The following GRID1 variants were observed in gnomAD, a reference collection of about 807,000 sequenced individuals.
The protein encoded by GRID1 is glutamate receptor ionotropic, delta-1.
In GRID1, 28 loss-of-function variants were observed where a neutral mutation model predicts 98.0. The ratio of observed to expected loss-of-function variants is 0.29; its 90% CI spans 0.21 to 0.39. GRID1 has a LOEUF of 0.39. Among genes scored for constraint, GRID1 ranks in the 10% least tolerant of loss-of-function variants. The probability of loss-of-function intolerance (pLI) is 1.00; values close to 1 mark genes in which losing one functional copy is unlikely to be tolerated. For missense variants in GRID1, 1,111 were observed against 1,340.5 expected, an observed-to-expected ratio of 0.83 and a Z score of 2.67; for synonymous variants, 553 against 538.5, an observed-to-expected ratio of 1.03 and a Z score of -0.37.
chr10:85,700,465 G>C (rs1484986102), intron 12 of GRID1, among the ~76,000 whole-genome samples: 1 of 152,116 alleles, frequency 6.6e-6, no homozygotes, highest in African/African-American at 2.4e-5. Context: ...CTGAATGTAG[G>C]ATGCTACTCA....
chr10:85,928,099 T>A (rs1841800758), intron 4 of GRID1, among the ~76,000 whole-genome samples: 1 of 152,182 alleles, frequency 6.6e-6, no homozygotes, highest in Non-Finnish European at 1.5e-5. Context: ...ATAGGCTCAA[T>A]GAGGAAGATG....
chr10:85,718,294 G>A (rs1465336831), intron 12 of GRID1, among the ~76,000 whole-genome samples: 1 of 152,126 alleles, frequency 6.6e-6, no homozygotes, highest in Non-Finnish European at 1.5e-5. Flanking sequence ...GGGCATCCAG[G>A]CATTTCTACA....
At chr10:85,626,039 TG>T (rs1842908932) in intron 13 of GRID1, among the ~76,000 whole-genome samples, 1 of 152,204 alleles carries the variant, frequency 6.6e-6, no homozygotes. Context: ...AGAATGCTGG[TG>T]CTGCAAACAT....
At chr10:85,938,162 T>A (rs1378565855) in intron 4 of GRID1, among the ~76,000 whole-genome samples, 1 of 152,164 alleles carries the variant, frequency 6.6e-6, no homozygotes, top group Non-Finnish European at 1.5e-5. Flanking sequence ...CCAGGGGGAA[T>A]CTGGATGGGA....
chr10:86,361,292 G>A (rs576367357), intron 2 of GRID1, among the ~76,000 whole-genome samples: 1 of 152,288 alleles, frequency 6.6e-6, no homozygotes, highest in East Asian at 1.9e-4. Flanking sequence ...AGGCATCCAA[G>A]GGCTATGCAA....
intron 4 of GRID1, among the ~76,000 whole-genome samples, chr10:86,107,686 C>G (rs892665938): frequency 2.6e-5 from 4 of 152,226 alleles, no homozygotes; most frequent in African/African-American, 9.6e-5. Flanking sequence ...CAGGCAAACA[C>G]ACAGGCAGCT....
intron 12 of GRID1, among the ~76,000 whole-genome samples, chr10:85,686,090 G>C (rs944580203): frequency 6.6e-6 from 1 of 152,098 alleles, no homozygotes; most frequent in African/African-American, 2.4e-5. Context: ...AAAGAATAAT[G>C]CTTCAAGGAA....
chr10:86,312,328 A>G (rs945303128), intron 2 of GRID1, among the ~76,000 whole-genome samples: 1 of 152,162 alleles, frequency 6.6e-6, no homozygotes, highest in South Asian at 2.1e-4. Flanking sequence ...ACCCCACCCT[A>G]AACACACCGT....
intron 8 of GRID1, among the ~76,000 whole-genome samples, chr10:85,784,646 G>GT (rs1842409601): frequency 6.6e-6 from 1 of 152,196 alleles, no homozygotes; most frequent in Non-Finnish European, 1.5e-5. Context: ...GTGAGCATCA[G>GT]TTTGCTTGTC....
At chr10:85,623,252 C>A (rs1302993878) in intron 13 of GRID1, among the ~76,000 whole-genome samples, 1 of 152,160 alleles carries the variant, frequency 6.6e-6, no homozygotes, top group East Asian at 1.9e-4. Context: ...TGTCACAGAG[C>A]CTGTCTGAGA....
At chr10:86,049,788 T>C (rs1004294900) in intron 4 of GRID1, among the ~76,000 whole-genome samples, 2 of 152,230 alleles carry the variant, frequency 1.3e-5, no homozygotes, top group East Asian at 3.8e-4. Context: ...GGAGACATAT[T>C]TGGGCTCTGC....
At chr10:86,145,126 ATCAG>A (rs1356914092) in intron 3 of GRID1, among the ~76,000 whole-genome samples, 1 of 152,262 alleles carries the variant, frequency 6.6e-6, no homozygotes, top group Non-Finnish European at 1.5e-5. Context: ...CCTCAAAAGC[ATCAG>A]TCAATCAAGT....
At chr10:86,064,325 T>C (rs1589358086) in intron 4 of GRID1, among the ~76,000 whole-genome samples, 1 of 152,216 alleles carries the variant, frequency 6.6e-6, no homozygotes, top group East Asian at 1.9e-4. Flanking sequence ...CAGGACAAGA[T>C]GTTGAGCACA....
At chr10:85,612,585 G>A (rs1456116523) in intron 15 of GRID1, among the ~76,000 whole-genome samples, 1 of 152,092 alleles carries the variant, frequency 6.6e-6, no homozygotes, top group Non-Finnish European at 1.5e-5. Flanking sequence ...CATAGCTGAG[G>A]TCTATGTGGC....
intron 4 of GRID1, among the ~76,000 whole-genome samples, chr10:86,059,234 A>G (rs1182279777): frequency 6.6e-6 from 1 of 152,220 alleles, no homozygotes; most frequent in Non-Finnish European, 1.5e-5. Flanking sequence ...GTGGATATCA[A>G]GAGGTCTTGC....
chr10:85,878,413 G>T (rs930453924), intron 5 of GRID1, among the ~76,000 whole-genome samples: 2 of 152,220 alleles, frequency 1.3e-5, no homozygotes, highest in Non-Finnish European at 2.9e-5. Context: ...CAGACTAACA[G>T]CAGATCTCTC....
In GRID1 at chr10:85,720,028, CAAT is replaced by C. The variant is rs200563304; in HGVS notation, c.1997+2972_1997+2974del. Among the ~76,000 whole-genome samples, 660 of 151,926 alleles carry C rather than the reference CAAT, an allele frequency of 4.3e-3. 4 individuals are homozygous for C. Among genetic ancestry groups the C allele is most frequent in the African/African-American group, 0.015 (630 of 41,414 alleles). ...TTGTATACTGTAAATTTTTATTTGT[CAAT>C]AATACCTCAAAAAGAAAAAATAAAT... On this transcript the variant is annotated intron_variant, in intron 12 of 15. Coordinates refer to ENST00000327946, the MANE Select transcript of GRID1 (RefSeq NM_017551.3).
At chr10:86,263,668 C>T (rs759550904) in intron 2 of GRID1, among the ~76,000 whole-genome samples, 1 of 152,208 alleles carries the variant, frequency 6.6e-6, no homozygotes, top group Admixed American at 6.5e-5. Context: ...CTCCCTCCCC[C>T]TCGGGTTGTG....
chr10:86,130,354 C>T (rs1414135098), intron 4 of GRID1, among the ~76,000 whole-genome samples: 2 of 152,216 alleles, frequency 1.3e-5, no homozygotes, highest in South Asian at 2.1e-4. Flanking sequence ...AGCAAAGGCT[C>T]CACCCTCAAG....
Sources: allele counts gnomAD v4.1 joint callset (sites outside exome capture counted in the v4.1 genomes callset), GRCh38; gene constraint gnomAD v4.1.1; transcripts MANE v1.5; gene names NCBI Gene and HGNC (gene_info 2026-07-23, HGNC 2026-07-21).